The following DPP10 variants were observed in gnomAD, a reference collection of about 807,000 sequenced individuals.
The protein encoded by DPP10 is inactive dipeptidyl peptidase 10.
In DPP10, 33 loss-of-function variants were observed where a neutral mutation model predicts 120.9. That is an observed-to-expected ratio of 0.27 (90% confidence interval 0.21 to 0.37). The LOEUF is 0.37. DPP10 is among the 10% of genes least tolerant of loss of function. The pLI, the probability that DPP10 is intolerant of heterozygous loss-of-function variation, is 1.00. For synonymous variants in DPP10, 337 were observed against 326.1 expected, an observed-to-expected ratio of 1.03 and a Z score of -0.36; for missense variants, 816 against 942.8, an observed-to-expected ratio of 0.87 and a Z score of 1.76.
intron 1 of DPP10, among the ~76,000 whole-genome samples, chr2:114,979,346 A>T (rs1699947527): frequency 6.6e-6 from 1 of 152,004 alleles, no homozygotes; most frequent in African/African-American, 2.4e-5. Flanking sequence ...GACAGATCCC[A>T]TCAGTTCTTT....
intron 1 of DPP10, among the ~76,000 whole-genome samples, chr2:114,527,927 TGG>T (rs1346587288): frequency 1.3e-5 from 2 of 152,202 alleles, no homozygotes; most frequent in Non-Finnish European, 2.9e-5. Flanking sequence ...TATAATCTTA[TGG>T]GACTACCGTC....
intron 5 of DPP10, among the ~76,000 whole-genome samples, chr2:115,662,883 T>A (rs1451766975): frequency 6.6e-6 from 1 of 152,168 alleles, no homozygotes; most frequent in Non-Finnish European, 1.5e-5. Context: ...AATTCTAGCT[T>A]AGGTCCTGGC....
intron 1 of DPP10, among the ~76,000 whole-genome samples, chr2:114,597,894 C>A (rs1692053174): frequency 1.3e-5 from 2 of 151,908 alleles, no homozygotes; most frequent in Non-Finnish European, 2.9e-5. Flanking sequence ...TTTCAACTCC[C>A]ACCATCATTT....
intron 1 of DPP10, among the ~76,000 whole-genome samples, chr2:114,817,433 A>G (rs1685732516): frequency 6.6e-6 from 1 of 152,222 alleles, no homozygotes; most frequent in Non-Finnish European, 1.5e-5. Flanking sequence ...CCCTGGGTCC[A>G]GCAACAGTTG....
chr2:114,517,379 G>A (rs914697533), intron 1 of DPP10, among the ~76,000 whole-genome samples: 22 of 152,142 alleles, frequency 1.4e-4, no homozygotes, highest in African/African-American at 5.1e-4. Flanking sequence ...AATTAGCCAG[G>A]TGTAGTGTCA....
chr2:114,813,676 A>G (rs1316855335), intron 1 of DPP10, among the ~76,000 whole-genome samples: 2 of 151,530 alleles, frequency 1.3e-5, no homozygotes, highest in African/African-American at 4.9e-5. Flanking sequence ...AGTGCTTGTC[A>G]CCATTGTCTT....
intron 3 of DPP10, among the ~76,000 whole-genome samples, chr2:115,499,019 A>G (rs2076548299): frequency 6.6e-6 from 1 of 152,046 alleles, no homozygotes; most frequent in African/African-American, 2.4e-5. Flanking sequence ...AGAGAATTCA[A>G]GATGCTGAAT....
At chr2:115,758,018 T>G in intron 11 of DPP10, among the ~76,000 whole-genome samples, 1 of 152,096 alleles carries the variant, frequency 6.6e-6, no homozygotes, top group East Asian at 1.9e-4. Context: ...AAGCAAACTT[T>G]ACCAGAGGCC....
At chr2:114,582,462 T>C (rs1690612217) in intron 1 of DPP10, among the ~76,000 whole-genome samples, 1 of 152,194 alleles carries the variant, frequency 6.6e-6, no homozygotes. Flanking sequence ...GCCAAGGAAC[T>C]GGATGGCTGA....
At chr2:114,835,275 A>G (rs1453436586) in intron 1 of DPP10, 1 of 129,916 alleles carries the variant, frequency 7.7e-6, no homozygotes, top group Non-Finnish European at 1.8e-5. Context: ...GTATATATAT[A>G]GGCCATATCT....
chr2:115,766,165 T>C (rs1680682789), intron 12 of DPP10, among the ~76,000 whole-genome samples: 1 of 151,734 alleles, frequency 6.6e-6, no homozygotes, highest in Non-Finnish European at 1.5e-5. Context: ...TACATAAGTA[T>C]GTAAATATGA....
intron 1 of DPP10, among the ~76,000 whole-genome samples, chr2:114,653,052 G>T (rs1276647958): frequency 6.6e-6 from 1 of 151,796 alleles, no homozygotes; most frequent in Non-Finnish European, 1.5e-5. Context: ...GTGTGTGTGT[G>T]TGTGTGTTTT....
intron 1 of DPP10, among the ~76,000 whole-genome samples, chr2:114,580,399 G>C (rs1690400004): frequency 6.6e-6 from 1 of 152,120 alleles, no homozygotes; most frequent in Admixed American, 6.5e-5. Flanking sequence ...TTTCACTCTA[G>C]ATAACTATCC....
chr2:115,547,499 C>A (rs113593244), intron 5 of DPP10, among the ~76,000 whole-genome samples: 1 of 152,148 alleles, frequency 6.6e-6, no homozygotes, highest in African/African-American at 2.4e-5. Context: ...ATAGGCCAGG[C>A]ACAGTGGCTC....
At chr2:115,377,551 G>T (rs987248030) in intron 3 of DPP10, among the ~76,000 whole-genome samples, 3 of 152,100 alleles carry the variant, frequency 2.0e-5, no homozygotes, top group African/African-American at 7.2e-5. Context: ...AAGCTCTTTA[G>T]TTTAATTAGA....
chr2:115,071,385 C>T (rs893242011), intron 1 of DPP10, among the ~76,000 whole-genome samples: 2 of 152,150 alleles, frequency 1.3e-5, no homozygotes, highest in South Asian at 4.1e-4. Flanking sequence ...TTCCATTGCT[C>T]ACTGCACAGA....
chr2:114,923,470 TC>T (rs1695355271), intron 1 of DPP10, among the ~76,000 whole-genome samples: 8 of 120,884 alleles, frequency 6.6e-5, no homozygotes, highest in African/African-American at 2.6e-4. Flanking sequence ...TGGCCTTTTT[TC>T]CTTTTTTTTT....
At chr2:115,236,262 G>T (rs993182020) in intron 1 of DPP10, among the ~76,000 whole-genome samples, 1 of 152,192 alleles carries the variant, frequency 6.6e-6, no homozygotes, top group African/African-American at 2.4e-5. Flanking sequence ...CTAACGTCAC[G>T]TTGGTGAAGA....
chr2:115,376,880 C>G (rs1382017112), intron 3 of DPP10, among the ~76,000 whole-genome samples: 8 of 148,944 alleles, frequency 5.4e-5, no homozygotes. Context: ...AGGACATGAA[C>G]TCATCATTTT....
Sources: gnomAD v4.1 joint callset for allele counts (sites outside exome capture counted in the v4.1 genomes callset) on GRCh38, gnomAD v4.1.1 for gene constraint, MANE v1.5 for transcripts, NCBI Gene and HGNC (gene_info 2026-07-23, HGNC 2026-07-21) for gene names.